Variants in MGAT4C observed in about 807,000 individuals in gnomAD.
The protein encoded by MGAT4C is MGAT4 family member C, also known as alpha-1,3-mannosyl-glycoprotein 4-beta-N-acetylglucosaminyltransferase C.
In MGAT4C, 19 loss-of-function variants were observed where a neutral mutation model predicts 40.1. The observed-to-expected ratio is 0.47, with a 90% CI of 0.33 to 0.70. The LOEUF (loss-of-function observed/expected upper bound fraction) is 0.70, where lower values mean the gene tolerates loss of function less well. Ranked by LOEUF, MGAT4C falls within the 30% of genes least tolerant of loss-of-function variation. MGAT4C has a pLI of 0.02. For missense variants in MGAT4C, 491 were observed against 563.2 expected (o/e 0.87, Z 1.30); for synonymous variants, 181 against 187.1 (o/e 0.97, Z 0.27).
intron 2 of MGAT4C, among the ~76,000 whole-genome samples, chr12:86,580,884 G>C (rs562756921): frequency 2.0e-5 from 3 of 151,454 alleles, no homozygotes; most frequent in Middle Eastern, 3.4e-3. Flanking sequence ...ATTATATTGG[G>C]ACAACAGATG....
chr12:86,072,512 CTAGA>C (rs1227543445), intron 1 of MGAT4C, among the ~76,000 whole-genome samples: 1 of 152,074 alleles, frequency 6.6e-6, no homozygotes, highest in Non-Finnish European at 1.5e-5. Context: ...AAGGCTCTTT[CTAGA>C]TAGAAAGACA....
In MGAT4C at chr12:86,557,183, G is replaced by A. The variant is rs1442885072; in HGVS notation, c.-228-121918C>T. 3.9e-5 allele frequency among the ~76,000 whole-genome samples: 6 copies of A among 152,134 alleles called. No homozygotes were observed. The South Asian group carries it at 1.0e-3, about 26-fold the overall frequency. ...GTAAATTATTTCATGTTAAAAATTT[G>A]GAAGTTAGAGTATCTTGCTATAAAC... is the stretch of plus-strand genomic sequence containing the variant. On this transcript the variant is annotated intron_variant, in intron 2 of 7. Coordinates refer to the MGAT4C transcript ENST00000548651.
intron 2 of MGAT4C, among the ~76,000 whole-genome samples, chr12:86,507,371 T>C (rs1007796792): frequency 2.0e-5 from 3 of 152,190 alleles, no homozygotes; most frequent in Non-Finnish European, 4.4e-5. Context: ...TAACCTTTAT[T>C]TGGCTTCATG....
chr12:86,483,554 T>C (rs1957969839), intron 2 of MGAT4C, among the ~76,000 whole-genome samples: 2 of 151,936 alleles, frequency 1.3e-5, no homozygotes, highest in South Asian at 4.2e-4. Context: ...CTTAGAAAAG[T>C]ATGTTAGGTG....
At chr12:86,833,723 A>G (rs1026544660) in intron 1 of MGAT4C, among the ~76,000 whole-genome samples, 1 of 151,894 alleles carries the variant, frequency 6.6e-6, no homozygotes, top group Non-Finnish European at 1.5e-5. Flanking sequence ...ATTTAGGGAG[A>G]CGCAATTCAA....
chr12:86,411,327 A>G (rs2136245781), intron 3 of MGAT4C, among the ~76,000 whole-genome samples: 1 of 152,332 alleles, frequency 6.6e-6, no homozygotes, highest in African/African-American at 2.4e-5. Flanking sequence ...AATCGTGACC[A>G]AAATGCTGAT....
At chr12:86,112,693 C>T (rs559261347) in intron 1 of MGAT4C, among the ~76,000 whole-genome samples, 20 of 151,650 alleles carry the variant, frequency 1.3e-4, no homozygotes, top group African/African-American at 2.7e-4. Flanking sequence ...ATTAGGGAGA[C>T]GATTGTGGGT....
chr12:86,485,975 C>A (rs992147283), intron 2 of MGAT4C, among the ~76,000 whole-genome samples: 1 of 152,112 alleles, frequency 6.6e-6, no homozygotes. Context: ...TCCCACCAAA[C>A]TAAGCCTCAT....
intron 2 of MGAT4C, among the ~76,000 whole-genome samples, chr12:86,550,661 C>T (rs1959305987): frequency 6.6e-6 from 1 of 152,324 alleles, no homozygotes; most frequent in Non-Finnish European, 1.5e-5. Context: ...TCCGCTATGA[C>T]TGTGGTCCTG....
At position 85,967,342 on chromosome 12, in the gene MGAT4C, A is replaced by G. The variant is rs1174949203; in HGVS notation, c.*11947T>C. 2 of 152,290 alleles carry G rather than the reference A, an allele frequency of 1.3e-5. No individual in the cohort carries two copies. Among genetic ancestry groups the G allele is most frequent in the Admixed American group, 1.3e-4 (2 of 15,296 alleles). The allele number at this position is 152,290 out of a possible 1,614,324, so 9.4% of individuals were successfully genotyped here. On this transcript the variant is annotated 3_prime_UTR_variant, in exon 5 of 5. Coordinates refer to ENST00000611864, the MANE Select transcript of MGAT4C (RefSeq NM_001351288.2). ...TTTTGTATTAATCAGTGGAATGTTT[A>G]AAGAAAAAACTGGTTATCTTGAAGC...
chr12:86,127,887 A>G (rs995802818), intron 1 of MGAT4C, among the ~76,000 whole-genome samples: 2 of 152,144 alleles, frequency 1.3e-5, no homozygotes, highest in Non-Finnish European at 2.9e-5. Flanking sequence ...TTCTTTTCTA[A>G]TACCTCCTGA....
chr12:86,063,265 AC>A (rs1222275897), intron 1 of MGAT4C, among the ~76,000 whole-genome samples: 3 of 152,136 alleles, frequency 2.0e-5, no homozygotes, highest in Non-Finnish European at 4.4e-5. Context: ...TTTCATATCC[AC>A]CCAAACTAAG....
chr12:86,381,259 CAA>C (rs567261770), intron 3 of MGAT4C, among the ~76,000 whole-genome samples: 23 of 151,994 alleles, frequency 1.5e-4, no homozygotes, highest in East Asian at 9.7e-4. Flanking sequence ...ATGCAGTCAC[CAA>C]AAGAGCTGGG....
intron 1 of MGAT4C, among the ~76,000 whole-genome samples, chr12:86,239,213 A>G (rs1254962121): frequency 6.6e-6 from 1 of 152,086 alleles, no homozygotes; most frequent in African/African-American, 2.4e-5. Flanking sequence ...ACTGCAAGTA[A>G]TTGTCCCAAA....
chr12:86,408,497 A>C (rs1389615870), intron 3 of MGAT4C, among the ~76,000 whole-genome samples: 56 of 140,430 alleles, frequency 4.0e-4, no homozygotes, highest in Admixed American at 5.8e-4. Context: ...ATATATATAT[A>C]TATATATATA....
rs553405179 is a variant in MGAT4C, at chr12:86,483,680, A to G, written c.-228-48415T>C. On this transcript the variant is annotated intron_variant, in intron 2 of 7. Coordinates refer to the MGAT4C transcript ENST00000548651. ...ATTATTTTCTGAATCAGTTCACTCC[A>G]ACATATTCATATGGCACTTATTTAT... Among the ~76,000 whole-genome samples the G allele has an allele frequency of 2.0e-5, 3 of 151,518 alleles. No homozygotes were observed. In the East Asian group the frequency reaches 5.9e-4, roughly 30 times the overall value.
chr12:86,798,715 A>C (rs1022512352), intron 1 of MGAT4C, among the ~76,000 whole-genome samples: 3 of 151,836 alleles, frequency 2.0e-5, no homozygotes, highest in African/African-American at 7.2e-5. Flanking sequence ...GAATGCTGGG[A>C]GTTTAGAATA....
intron 2 of MGAT4C, among the ~76,000 whole-genome samples, chr12:86,659,045 T>C (rs1029090321): frequency 6.6e-6 from 1 of 152,080 alleles, no homozygotes; most frequent in African/African-American, 2.4e-5. Context: ...TAAATGTTTA[T>C]TGTCTTAAAC....
intron 3 of MGAT4C, among the ~76,000 whole-genome samples, chr12:86,429,551 T>C (rs12833936): frequency 0.024 from 3,620 of 152,296 alleles, 70 homozygotes; most frequent in Non-Finnish European, 0.036. Flanking sequence ...TTTTTATGGT[T>C]GTCACGTTTT....
Sources: gnomAD v4.1 joint callset for allele counts (sites outside exome capture counted in the v4.1 genomes callset) on GRCh38, gnomAD v4.1.1 for gene constraint, MANE v1.5 for transcripts, NCBI Gene and HGNC (gene_info 2026-07-23, HGNC 2026-07-21) for gene names.